The following MCC variants were observed in gnomAD, a reference collection of about 807,000 sequenced individuals.
MCC encodes MCC regulator of Wnt signaling pathway, also known as colorectal mutant cancer protein.
Under a neutral mutation model 116.2 loss-of-function variants are expected in MCC, and 90 were observed. That is an observed-to-expected ratio of 0.77 (90% CI 0.65 to 0.92). The LOEUF (loss-of-function observed/expected upper bound fraction) is 0.92. MCC is among the 40% of genes least tolerant of loss of function. The probability of loss-of-function intolerance (pLI) is 0.00; values close to 1 mark genes in which losing one functional copy is unlikely to be tolerated. For missense variants in MCC, 1,516 were observed against 1,312.2 expected, an observed-to-expected ratio of 1.16 and a Z score of -2.40; for synonymous variants, 578 against 510.5, an observed-to-expected ratio of 1.13 and a Z score of -1.78.
intron 1 of MCC, among the ~76,000 whole-genome samples, chr5:113,425,041 T>C (rs1159678157): frequency 2.6e-5 from 4 of 152,108 alleles, no homozygotes; most frequent in Non-Finnish European, 5.9e-5. Flanking sequence ...AACTTAAGAA[T>C]ATCAGTTTCC....
At chr5:113,115,508 T>A (rs1461931641) in intron 6 of MCC, among the ~76,000 whole-genome samples, 7 of 152,176 alleles carry the variant, frequency 4.6e-5, no homozygotes, top group Non-Finnish European at 7.4e-5. Context: ...GTCATAAATA[T>A]GAAGGGATAA....
intron 13 of MCC, among the ~76,000 whole-genome samples, chr5:113,064,945 T>G (rs1020067235): frequency 6.6e-6 from 1 of 152,130 alleles, no homozygotes; most frequent in Non-Finnish European, 1.5e-5. Flanking sequence ...TGCTTGAACT[T>G]AGGAGTTCAA....
At chr5:113,308,132 C>G (rs1174828149) in intron 3 of MCC, among the ~76,000 whole-genome samples, 2 of 152,136 alleles carry the variant, frequency 1.3e-5, no homozygotes, top group African/African-American at 4.8e-5. Flanking sequence ...ACCACCATGC[C>G]TAGCTAATTT....
intron 8 of MCC, among the ~76,000 whole-genome samples, chr5:113,096,122 G>A (rs989265343): frequency 2.6e-5 from 4 of 152,200 alleles, no homozygotes; most frequent in African/African-American, 4.8e-5. Flanking sequence ...CCTAGCAGAT[G>A]CCGGGCTTAT....
At chr5:113,157,421 C>G (rs748807566) in intron 3 of MCC, among the ~76,000 whole-genome samples, 1 of 152,204 alleles carries the variant, frequency 6.6e-6, no homozygotes, top group Non-Finnish European at 1.5e-5. Context: ...GTGCTTTGAA[C>G]AGCACAGTCT....
intron 2 of MCC, among the ~76,000 whole-genome samples, chr5:113,352,817 T>C (rs1445926636): frequency 6.6e-6 from 1 of 152,148 alleles, no homozygotes; most frequent in East Asian, 1.9e-4. Context: ...AATGTTCAAG[T>C]GATTCTTCGT....
rs2150203651 is a variant in MCC at position 113,025,771 on chromosome 5, T to G, written c.*1531A>C. 6.6e-6 allele frequency: 1 copy of G among 152,304 alleles called. No individual in the cohort carries two copies. The highest frequency in any genetic ancestry group is 2.1e-4 in the South Asian group (1 of 4,820). The allele number at this position is 152,304 out of a possible 1,614,324, so 9.4% of individuals were successfully genotyped here. The stretch of plus-strand genomic sequence containing the variant: ...ACTGCTGGCCTCTCAGTGGTTGCTT[T>G]TAGGATACAGCTGTCTGCCCTCCGA... On this transcript the variant is annotated 3_prime_UTR_variant, in exon 19 of 19. Transcript: ENST00000408903.
At chr5:113,347,344 A>C (rs1044960008) in intron 2 of MCC, among the ~76,000 whole-genome samples, 41 of 152,140 alleles carry the variant, frequency 2.7e-4, no homozygotes, top group African/African-American at 9.9e-4. Flanking sequence ...ACTGGGGGGA[A>C]GATGTTAAAG....
intron 2 of MCC, among the ~76,000 whole-genome samples, chr5:113,371,402 T>C (rs560763510): frequency 6.6e-6 from 1 of 152,236 alleles, no homozygotes; most frequent in Non-Finnish European, 1.5e-5. Flanking sequence ...CCTTCTTGGC[T>C]ATAATCTTGT....
intron 3 of MCC, among the ~76,000 whole-genome samples, chr5:113,278,470 G>A (rs978903031): frequency 6.6e-6 from 1 of 152,190 alleles, no homozygotes; most frequent in Non-Finnish European, 1.5e-5. Context: ...CCAATGCAAC[G>A]GGGAACACAG....
At chr5:113,431,768 G>T (rs1409901666) in intron 1 of MCC, among the ~76,000 whole-genome samples, 2 of 136,740 alleles carry the variant, frequency 1.5e-5, no homozygotes, top group African/African-American at 5.3e-5. Flanking sequence ...GGCCAAGGGG[G>T]GGGGGGGGTG....
At chr5:113,426,654 G>A (rs1343198105) in intron 1 of MCC, among the ~76,000 whole-genome samples, 1 of 152,130 alleles carries the variant, frequency 6.6e-6, no homozygotes, top group Admixed American at 6.5e-5. Flanking sequence ...TTCTAAGAAT[G>A]GCAAAATGTG....
chr5:113,176,262 A>T (rs938165843), intron 3 of MCC, among the ~76,000 whole-genome samples: 2 of 152,018 alleles, frequency 1.3e-5, no homozygotes, highest in Non-Finnish European at 2.9e-5. Flanking sequence ...ATAAAGCTGC[A>T]ATCAGGCCAG....
At chr5:113,113,023 C>A (rs1277708507) in intron 6 of MCC, among the ~76,000 whole-genome samples, 1 of 152,182 alleles carries the variant, frequency 6.6e-6, no homozygotes, top group African/African-American at 2.4e-5. Context: ...GAAACAGAAG[C>A]AGCTGTAGGC....
At chr5:113,217,763 G>A (rs1763381667) in intron 3 of MCC, among the ~76,000 whole-genome samples, 1 of 152,060 alleles carries the variant, frequency 6.6e-6, no homozygotes. Context: ...ATCTTTTGGA[G>A]TGAAACCGGA....
chr5:113,339,794 A>AT (rs1561530230), intron 3 of MCC, among the ~76,000 whole-genome samples: 1 of 152,266 alleles, frequency 6.6e-6, no homozygotes. Flanking sequence ...GTAAATATGC[A>AT]TAAGTCAAGG....
chr5:113,295,912 A>G (rs1766697346), intron 3 of MCC, among the ~76,000 whole-genome samples: 1 of 152,232 alleles, frequency 6.6e-6, no homozygotes, highest in South Asian at 2.1e-4. Context: ...AACTTGGCAT[A>G]TCCTGAAGCC....
In MCC at chr5:113,027,620, A is replaced by G. The variant is rs193264756; in HGVS notation, c.2880-138T>C. ...CTCATCCTCTTCGGTAAGAATCTGA[A>G]ATCTAGTGGTCAGAGGAGGGACAGC... On this transcript the variant is annotated intron_variant, in intron 18 of 18. Coordinates refer to ENST00000408903, the MANE Select transcript of MCC (RefSeq NM_001085377.2). 50 of 818,480 alleles carry G rather than the reference A, an allele frequency of 6.1e-5. No individual in the cohort carries two copies. In the African/African-American group the frequency reaches 7.7e-4, roughly 13 times the overall value. The allele number at this position is 818,480 out of a possible 1,614,324, so 50.7% of individuals were successfully genotyped here.
At chr5:113,079,347 T>C (rs1417844705) in intron 11 of MCC, among the ~76,000 whole-genome samples, 2 of 152,256 alleles carry the variant, frequency 1.3e-5, no homozygotes, top group East Asian at 3.9e-4. Context: ...CCCACATTGC[T>C]AAGACAATCC....
Sources: allele counts gnomAD v4.1 joint callset (sites outside exome capture counted in the v4.1 genomes callset), GRCh38; gene constraint gnomAD v4.1.1; transcripts MANE v1.5; gene names NCBI Gene and HGNC (gene_info 2026-07-23, HGNC 2026-07-21).